The following LCN15 variants were observed in gnomAD, a reference collection of about 807,000 sequenced individuals.
The protein encoded by LCN15 is lipocalin 15.
A neutral mutation model predicts 23.1 loss-of-function variants in LCN15; 26 were observed. The ratio of observed to expected loss-of-function variants is 1.13; its 90% CI spans 0.82 to 1.56. LCN15 has a LOEUF of 1.56. Ranked by LOEUF, LCN15 falls within the 40% of genes most tolerant of loss-of-function variation. LCN15 has a pLI of 0.00. For synonymous variants in LCN15, 107 were observed against 98.3 expected, an observed-to-expected ratio of 1.09 and a Z score of -0.52; for missense variants, 241 against 239.5, an observed-to-expected ratio of 1.01 and a Z score of -0.04.
chr9:136,763,292 A>G, intron 4 of LCN15, 65 bp downstream of exon 4: 1 of 653,298 alleles, frequency 1.5e-6, no homozygotes, highest in Non-Finnish European at 2.1e-6. Context: ...GGTAGGCAGA[A>G]CGGGGGGCGG....
chr9:136,763,382 G>C lies in LCN15; in HGVS notation c.393C>G (p.Ala131=), dbSNP rs9987876. ...TGTAGAGCTGCACCATGGTGCTGAG[G>C]GCCCCCTCCAGCTCCTTGTAGATGT... The part of the protein sequence containing the change: ...VLYIYKELEG[A]LSTMVQLYSR... The change falls in exon 4 of 7, where the codon GCC becomes GCG. Residue 131 remains alanine, a synonymous_variant. Transcript: ENST00000316144. 0.76 allele frequency: 1,208,849 copies of C among 1,594,278 alleles called. 461,550 individuals carry two copies. The highest frequency in any genetic ancestry group is 0.87 in the East Asian group (38,950 of 44,736).
rs747187992 is a variant in LCN15, at chr9:136,761,512, C to G, written c.*32+275G>C. ...CCAACCTCAGGTGACCCGCCTGCCT[C>G]GGCCTCCCAAAGTGCTGGGATGATA... On this transcript the variant is annotated intron_variant, in intron 6 of 6. Coordinates refer to ENST00000316144, the MANE Select transcript of LCN15 (RefSeq NM_203347.2). The surrounding 1 kb of genome is among the most constrained non-coding windows in gnomAD (Gnocchi z 4.2). Among the ~76,000 whole-genome samples the G allele has an allele frequency of 6.6e-6, 1 of 152,184 alleles. No homozygotes were observed. Among genetic ancestry groups the G allele is most frequent in the Non-Finnish European group, 1.5e-5 (1 of 68,028 alleles).
chr9:136,761,830 C>A lies in LCN15; in HGVS notation c.544G>T (p.Glu182Ter). ...GGGCTCCGGAGGTGTCAGGGCGCCT[C>A]CTTGCTCTCAGGGTTGCATGCATCT... is the stretch of plus-strand genomic sequence containing the variant. Reference protein sequence around the residue: ...QSDACNPESKEAP With the variant: ...QSDACNPESK The change falls in exon 6 of 7, where the codon GAG (glutamate) becomes TAG (stop). Residue 182 changes from glutamate (E) to a stop codon, truncating the protein, a stop_gained. Transcript: ENST00000316144. LOFTEE classifies it high-confidence loss of function. The surrounding 1 kb of genome is among the most constrained non-coding windows in gnomAD (Gnocchi z 4.2). The A allele has an allele frequency of 7.6e-7, 1 of 1,307,206 alleles. No homozygotes were observed. 81.0% of individuals were successfully genotyped at this position (1,307,206 alleles called of 1,614,324 possible).
At chr9:136,763,523 G>A (rs1307515280) in intron 3 of LCN15, 56 bp from the exon 4 acceptor site, 29 of 1,304,576 alleles carry the variant, frequency 2.2e-5, no homozygotes, top group Non-Finnish European at 2.8e-5. Flanking sequence ...CCCGGGCACC[G>A]ACCCCACCCA....
Position 136,761,311 on chromosome 9 carries a change from A to G in LCN15, c.*32+476T>C, listed in dbSNP as rs1847314302. 1.3e-5 allele frequency among the ~76,000 whole-genome samples: 2 copies of G among 152,146 alleles called. No individual in the cohort carries two copies. The highest frequency in any genetic ancestry group is 1.3e-4 in the Admixed American group (2 of 15,272). ...GTTTCTCTCTTGTCACCCAGGCTGG[A>G]CTGTAATGGTGCAATCTCGGCTCAC... is the stretch of plus-strand genomic sequence containing the variant. On this transcript the variant is annotated intron_variant, in intron 6 of 6. Transcript: ENST00000316144. The surrounding 1 kb of genome is among the most constrained non-coding windows in gnomAD (Gnocchi z 4.2).
Position 136,762,227 on chromosome 9 carries a change from C to T in LCN15, c.481G>A (p.Gly161Arg), listed in dbSNP as rs780419162. The T allele has an allele frequency of 2.7e-5, 44 of 1,600,740 alleles. No individual in the cohort carries two copies. The highest frequency in any genetic ancestry group is 3.6e-5 in the Non-Finnish European group (42 of 1,174,500). The stretch of plus-strand genomic sequence containing the variant: ...ATGACCATCATGTCCTTGGGGAGCC[C>T]CAGGGTCGGGTAGAAGTCCTGGAAG... ...KSFQDFYPTL[G>R]LPKDMMVMLP... Residue 161 changes from glycine to arginine, a missense_variant, in exon 5 of 7, where the codon GGG becomes AGG. Physicochemically the swap from Gly to Arg is moderately radical, Grantham distance 125. Coordinates refer to ENST00000316144, the MANE Select transcript of LCN15 (RefSeq NM_203347.2).
intron 3 of LCN15, 93 bp downstream of exon 3, chr9:136,763,620 T>G (rs1248748192): frequency 6.9e-7 from 1 of 1,440,982 alleles, no homozygotes; most frequent in Non-Finnish European, 9.5e-7. Flanking sequence ...GAGACTGGGA[T>G]GGACAGCTTG....
intron 3 of LCN15, 114 bp downstream of exon 3, chr9:136,763,599 G>C (rs4880070): frequency 1.5e-5 from 18 of 1,220,906 alleles, no homozygotes; most frequent in East Asian, 7.5e-5. Context: ...GGGAGGGCGG[G>C]CAGGGGGCTG....
In LCN15 at chr9:136,762,301, A is replaced by G; in HGVS notation, c.419-12T>C. The G allele has an allele frequency of 6.7e-7, 1 of 1,493,860 alleles. No homozygotes were observed. Among genetic ancestry groups the G allele is most frequent in the Non-Finnish European group, 9.2e-7 (1 of 1,085,206 alleles). 92.5% of individuals were successfully genotyped at this position (1,493,860 alleles called of 1,614,324 possible). Reference sequence around the variant, plus strand: ...ATCCTGGGTCCGGCCTGGGCAGAGCAGAGGTCACTGTGAACTCAGCAGCTC... The same window carrying G: ...ATCCTGGGTCCGGCCTGGGCAGAGCGGAGGTCACTGTGAACTCAGCAGCTC... On this transcript the variant is annotated splice_polypyrimidine_tract_variant and intron_variant, in intron 4 of 6. Transcript: ENST00000316144.
chr9:136,764,083 C>T lies in LCN15; in HGVS notation c.97-74G>A, dbSNP rs80282128. ...CCTCCTTGCCCAGGGACCCAGGGGACAACTCAGAAGTCACACAGCAAGGGG... is the reference window on the plus strand; with the variant it reads ...CCTCCTTGCCCAGGGACCCAGGGGATAACTCAGAAGTCACACAGCAAGGGG... On this transcript the variant is annotated intron_variant, in intron 1 of 6. Coordinates refer to ENST00000316144, the MANE Select transcript of LCN15 (RefSeq NM_203347.2). The T allele has an allele frequency of 2.0e-4, 321 of 1,569,130 alleles. 2 individuals are homozygous for T. The African/African-American group carries it at 3.9e-3, about 19-fold the overall frequency.
At chr9:136,762,415 C>T (rs951726724) in intron 4 of LCN15, 126 bp from the exon 5 acceptor site, 318 of 667,094 alleles carry the variant, frequency 4.8e-4, no homozygotes, top group Non-Finnish European at 4.3e-4. Flanking sequence ...GCAGGTTGTG[C>T]GCGGCATAAA....
intron 6 of LCN15, among the ~76,000 whole-genome samples, chr9:136,760,068 C>T (rs1847298333): frequency 6.6e-6 from 1 of 152,230 alleles, no homozygotes; most frequent in Non-Finnish European, 1.5e-5. Context: ...TGGCAGTGAG[C>T]CATGGCCTCT....
chr9:136,763,119 A>G (rs1287992309), intron 4 of LCN15, among the ~76,000 whole-genome samples: 1 of 150,360 alleles, frequency 6.7e-6, no homozygotes, highest in Non-Finnish European at 1.5e-5. Flanking sequence ...CCAGGCCAGG[A>G]GTGTGTGCGA....
At chr9:136,763,657 T>C in intron 3 of LCN15, 56 bp downstream of exon 3, 2 of 1,585,380 alleles carry the variant, frequency 1.3e-6, no homozygotes, top group South Asian at 2.2e-5. Flanking sequence ...CAGCCCCACG[T>C]CACCCCCAGA....
intron 6 of LCN15, among the ~76,000 whole-genome samples, chr9:136,760,871 G>A (rs1048228234): frequency 1.3e-5 from 2 of 152,224 alleles, no homozygotes; most frequent in East Asian, 1.9e-4. Context: ...TGGAACCTCC[G>A]AACGTGGCCT....
At position 136,763,993 on chromosome 9, in the gene LCN15, T is replaced by G. The variant is rs1554764405; in HGVS notation, c.113A>C (p.Tyr38Ser). 6.2e-7 allele frequency: 1 copy of G among 1,613,194 alleles called. No individual in the cohort carries two copies. Among genetic ancestry groups the G allele is most frequent in the Non-Finnish European group, 8.5e-7 (1 of 1,179,932 alleles). Residue 38 changes from tyrosine to serine, a missense_variant, in exon 2 of 7, where the codon TAC becomes TCC. By Grantham distance (144) the Tyr-to-Ser change is moderately radical. Transcript: ENST00000316144. The part of the protein sequence containing the change: ...FNAEKFSGLW[Y>S]VVSMASDCRV... The stretch of plus-strand genomic sequence containing the variant: ...GCAGTCAGATGCCATGGAGACCACG[T>G]ACCAGAGGCCTGAGAACTGCCGGGG...
In LCN15 at chr9:136,761,710, G is replaced by C; in HGVS notation, c.*32+77C>G. 1.5e-6 allele frequency: 1 copy of C among 668,162 alleles called. No homozygotes were observed. The highest frequency in any genetic ancestry group is 3.4e-5 in the East Asian group (1 of 29,200). 41.4% of individuals were successfully genotyped at this position (668,162 alleles called of 1,614,324 possible). On this transcript the variant is annotated intron_variant, in intron 6 of 6. Coordinates refer to ENST00000316144, the MANE Select transcript of LCN15 (RefSeq NM_203347.2). The surrounding 1 kb of genome is among the most constrained non-coding windows in gnomAD (Gnocchi z 4.2). ...AGAACAGCGGGGCAGGCATGGGGCA[G>C]ACAGAACCAGATGTCAAGCTGCGAT...
At chr9:136,764,201 C>CCACTTCA in intron 1 of LCN15, 192 bp from the exon 2 acceptor site, 1 of 818,966 alleles carries the variant, frequency 1.2e-6, no homozygotes, top group Non-Finnish European at 1.9e-6. Flanking sequence ...GCCTCAGTTC[C>CCACTTCA]CAGCTGTGAA....
intron 4 of LCN15, 146 bp downstream of exon 4, chr9:136,763,210 TA>T (rs1211007002): frequency 5.0e-5 from 27 of 543,136 alleles, no homozygotes; most frequent in African/African-American, 4.1e-4. Flanking sequence ...AAACTCGGCC[TA>T]AAAGGCGGGG....
Sources: allele counts gnomAD v4.1 joint callset (sites outside exome capture counted in the v4.1 genomes callset), GRCh38; gene constraint gnomAD v4.1.1; non-coding constraint Gnocchi (gnomAD v3.1); transcripts MANE v1.5; gene names NCBI Gene and HGNC (gene_info 2026-07-23, HGNC 2026-07-21).